The following HHLA1 variants were observed in gnomAD, a reference collection of about 807,000 sequenced individuals.
HHLA1 encodes the protein HHLA1 neighbor of OC90.
In HHLA1, 72 loss-of-function variants were observed where a neutral mutation model predicts 69.9. The observed-to-expected ratio is 1.03, with a 90% CI of 0.85 to 1.25. The LOEUF (loss-of-function observed/expected upper bound fraction) is 1.25. Among genes scored for constraint, HHLA1 ranks in the 50% most tolerant of loss-of-function variants. HHLA1 has a pLI of 0.00. For missense variants in HHLA1, 685 were observed against 642.2 expected, an observed-to-expected ratio of 1.07 and a Z score of -0.72; for synonymous variants, 252 against 233.2, an observed-to-expected ratio of 1.08 and a Z score of -0.73.
chr8:132,103,437 G>A (rs560226462), intron 3 of HHLA1, among the ~76,000 whole-genome samples: 2 of 152,242 alleles, frequency 1.3e-5, no homozygotes, highest in East Asian at 3.9e-4. Context: ...GGGCAACATG[G>A]TGAAACCCTG....
In HHLA1 at chr8:132,103,266, C is replaced by T. The variant is rs540266000; in HGVS notation, c.139+842G>A. Among the ~76,000 whole-genome samples the T allele has an allele frequency of 6.6e-5, 10 of 152,256 alleles. No individual in the cohort carries two copies. In the East Asian group the frequency reaches 1.2e-3, roughly 18 times the overall value. ...GCTGGGGGAGCATTTTAACTTTATA[C>T]GCTTTTGTAACTTTTGCTATTTGAA... On this transcript the variant is annotated intron_variant, in intron 3 of 16. Transcript: ENST00000414222.
chr8:132,108,677 A>G (rs1824246181), intron 1 of HHLA1, among the ~76,000 whole-genome samples: 1 of 152,142 alleles, frequency 6.6e-6, no homozygotes, highest in Non-Finnish European at 1.5e-5. Flanking sequence ...GTGGAAGGCC[A>G]TCGAGAATCA....
At chr8:132,082,003 G>A (rs1331246036) in intron 10 of HHLA1, among the ~76,000 whole-genome samples, 3 of 152,152 alleles carry the variant, frequency 2.0e-5, no homozygotes, top group Non-Finnish European at 4.4e-5. Flanking sequence ...CGTGATCAGG[G>A]TGAGGAACAG....
intron 10 of HHLA1, among the ~76,000 whole-genome samples, chr8:132,084,504 AC>A (rs1823825941): frequency 6.6e-6 from 1 of 152,162 alleles, no homozygotes; most frequent in African/African-American, 2.4e-5. Context: ...CTATTTTACG[AC>A]AAGAATTATT....
chr8:132,081,155 A>G (rs977211594), intron 10 of HHLA1: 2 of 152,182 alleles, frequency 1.3e-5, no homozygotes, highest in African/African-American at 4.8e-5. Context: ...GGCTTGCAAA[A>G]AAACAGTGTA....
chr8:132,065,910 C>T lies in HHLA1; in HGVS notation c.1528G>A (p.Val510Met). ...CTGTGCGAGTGGGACACCCTTTTCA[C>T]CCTCTGACAGATATATGTTGCATTC... Reference protein sequence around the residue: ...LKNATYICQRVKRVSHSHTLK... With the variant: ...LKNATYICQRMKRVSHSHTLK... Residue 510 changes from valine to methionine, a missense_variant, in exon 16 of 17, where the codon GTG becomes ATG. Transcript: ENST00000414222. The T allele has an allele frequency of 7.7e-7, 1 of 1,302,912 alleles. No individual in the cohort carries two copies. Among genetic ancestry groups the T allele is most frequent in the South Asian group, 1.2e-5 (1 of 80,966 alleles). 80.7% of individuals were successfully genotyped at this position (1,302,912 alleles called of 1,614,324 possible). A position where few individuals can be genotyped will look rare whatever the true frequency, so the allele number is the denominator to read the frequency against.
intron 7 of HHLA1, among the ~76,000 whole-genome samples, chr8:132,093,457 CCAGA>C (rs1823974915): frequency 6.6e-6 from 1 of 152,074 alleles, no homozygotes; most frequent in Non-Finnish European, 1.5e-5. Flanking sequence ...AGAAAATGAT[CCAGA>C]TCTAAAGATC....
intron 10 of HHLA1, among the ~76,000 whole-genome samples, chr8:132,087,272 A>G (rs1322912043): frequency 6.6e-6 from 1 of 152,142 alleles, no homozygotes; most frequent in Admixed American, 6.5e-5. Context: ...GGTATTACAG[A>G]GTGGCCAGGT....
intron 5 of HHLA1, among the ~76,000 whole-genome samples, chr8:132,097,583 C>A (rs1824045282): frequency 1.3e-5 from 2 of 152,172 alleles, no homozygotes; most frequent in African/African-American, 4.8e-5. Flanking sequence ...CAGTGCAGGG[C>A]CTTGCAGAGG....
chr8:132,083,048 A>T (rs555587101), intron 10 of HHLA1, among the ~76,000 whole-genome samples: 1,804 of 151,864 alleles, frequency 0.012, 18 homozygotes, highest in Non-Finnish European at 0.019. Flanking sequence ...TTGGTCGCCA[A>T]GGAGGGAGTA....
At chr8:132,082,815 G>A (rs775901857) in intron 10 of HHLA1, among the ~76,000 whole-genome samples, 25 of 152,188 alleles carry the variant, frequency 1.6e-4, no homozygotes, top group South Asian at 4.1e-4. Flanking sequence ...AAACAATTTC[G>A]TTGATAAGGT....
rs1823713940 is a variant in HHLA1 at position 132,079,868 on chromosome 8, G to T, written c.775C>A (p.Pro259Thr). 1.3e-6 allele frequency: 2 copies of T among 1,551,922 alleles called. No individual in the cohort carries two copies. The highest frequency in any genetic ancestry group is 2.0e-5 in the Admixed American group (1 of 50,982). The change falls in exon 11 of 17, where the codon CCC becomes ACC. Residue 259 changes from proline (P) to threonine (T), a missense_variant. Pro to Thr is a conservative substitution (Grantham distance 38). Coordinates refer to ENST00000414222, the MANE Select transcript of HHLA1 (RefSeq NM_001145095.3). ...GAGGATCTCAGAGCAGATGCCCAGGGTGTGCTCTGGGTCCAGTGTCCGGGG... is the reference window on the plus strand; with the variant it reads ...GAGGATCTCAGAGCAGATGCCCAGGTTGTGCTCTGGGTCCAGTGTCCGGGG... ...TSPGHWTQSTPWASALRSSPW... is the reference protein window; with the variant it reads ...TSPGHWTQSTTWASALRSSPW...
chr8:132,099,128 G>A (rs190889427), intron 4 of HHLA1, among the ~76,000 whole-genome samples, 166 bp from the exon 5 acceptor site: 3 of 152,270 alleles, frequency 2.0e-5, no homozygotes, highest in East Asian at 1.9e-4. Context: ...GGAGGGTCTC[G>A]ACCTCAGGAG....
At chr8:132,065,204 A>C (rs185680628) in intron 16 of HHLA1, among the ~76,000 whole-genome samples, 1 of 152,216 alleles carries the variant, frequency 6.6e-6, no homozygotes, top group Non-Finnish European at 1.5e-5. Flanking sequence ...TACCATAATG[A>C]AACATAAATT....
At chr8:132,065,356 A>G (rs1384306466) in intron 16 of HHLA1, among the ~76,000 whole-genome samples, 1 of 152,170 alleles carries the variant, frequency 6.6e-6, no homozygotes, top group Non-Finnish European at 1.5e-5. Flanking sequence ...ATCTCGGCTT[A>G]CTGCAAGCTC....
chr8:132,098,012 G>T (rs1437686635), intron 5 of HHLA1, among the ~76,000 whole-genome samples: 1 of 152,034 alleles, frequency 6.6e-6, no homozygotes, highest in Non-Finnish European at 1.5e-5. Flanking sequence ...TTTGTTTTTG[G>T]TTACTCCTTC....
chr8:132,075,440 C>A (rs554351828), intron 14 of HHLA1, among the ~76,000 whole-genome samples: 6 of 152,312 alleles, frequency 3.9e-5, no homozygotes, highest in African/African-American at 1.2e-4. Flanking sequence ...GCAAAAACCA[C>A]AGCAACTCAA....
intron 13 of HHLA1, 91 bp downstream of exon 13, chr8:132,076,383 TG>T: frequency 1.1e-6 from 1 of 888,040 alleles, no homozygotes. Flanking sequence ...GATTGCTTAC[TG>T]GTACCCCATC....
At chr8:132,087,391 G>T (rs1298921523) in intron 10 of HHLA1, among the ~76,000 whole-genome samples, 1 of 152,144 alleles carries the variant, frequency 6.6e-6, no homozygotes, top group South Asian at 2.1e-4. Flanking sequence ...AGAAGGAAAA[G>T]GTGCCCTTCC....
Sources: allele counts gnomAD v4.1 joint callset (sites outside exome capture counted in the v4.1 genomes callset), GRCh38; gene constraint gnomAD v4.1.1; transcripts MANE v1.5; gene names NCBI Gene and HGNC (gene_info 2026-07-23, HGNC 2026-07-21).